ADAM12: variants seen among roughly 807,000 people sequenced by gnomAD.
ADAM12 encodes disintegrin and metalloproteinase domain-containing protein 12.
In ADAM12, 70 loss-of-function variants were observed where a neutral mutation model predicts 106.4. The ratio of observed to expected loss-of-function variants is 0.66; its 90% CI spans 0.54 to 0.80. The LOEUF (loss-of-function observed/expected upper bound fraction) is 0.80. Ranked by LOEUF, ADAM12 falls within the 30% of genes least tolerant of loss-of-function variation. The pLI is 0.00. For synonymous variants in ADAM12, 420 were observed against 433.5 expected (o/e 0.97, Z 0.39); for missense variants, 1,010 against 1,171.9 (o/e 0.86, Z 2.02).
At chr10:126,321,038 A>C (rs1302704243) in intron 2 of ADAM12, among the ~76,000 whole-genome samples, 2 of 152,184 alleles carry the variant, frequency 1.3e-5, no homozygotes, top group East Asian at 3.9e-4. Flanking sequence ...ATTGGGTCCC[A>C]TTCATCCTTG....
At chr10:126,201,061 C>A (rs1201197723) in intron 3 of ADAM12, among the ~76,000 whole-genome samples, 1 of 152,092 alleles carries the variant, frequency 6.6e-6, no homozygotes, top group Non-Finnish European at 1.5e-5. Flanking sequence ...GAGCATCAGG[C>A]TAAAGTAGTC....
chr10:126,218,526 G>A (rs980567613), intron 3 of ADAM12, among the ~76,000 whole-genome samples: 4 of 152,172 alleles, frequency 2.6e-5, no homozygotes, highest in Non-Finnish European at 4.4e-5. Context: ...CTCCCTGCAG[G>A]TGCTTGGGTC....
chr10:126,110,415 C>T (rs967830338), intron 6 of ADAM12, among the ~76,000 whole-genome samples: 8 of 150,986 alleles, frequency 5.3e-5, no homozygotes, highest in Admixed American at 3.3e-4. Context: ...AATGGAAGAC[C>T]GGGGTGGTCT....
intron 11 of ADAM12, among the ~76,000 whole-genome samples, chr10:126,074,976 G>A (rs1407355969): frequency 2.0e-5 from 3 of 152,176 alleles, no homozygotes; most frequent in Non-Finnish European, 4.4e-5. Flanking sequence ...ATGAGCAGGT[G>A]TGAGTGGCTT....
intron 3 of ADAM12, among the ~76,000 whole-genome samples, chr10:126,177,201 A>G (rs760510323): frequency 6.6e-6 from 1 of 152,112 alleles, no homozygotes; most frequent in Non-Finnish European, 1.5e-5. Flanking sequence ...ACTAAGAAAA[A>G]TGGACAATTA....
At chr10:126,379,813 A>G (rs1238496848) in intron 1 of ADAM12, among the ~76,000 whole-genome samples, 1 of 152,172 alleles carries the variant, frequency 6.6e-6, no homozygotes, top group Non-Finnish European at 1.5e-5. Context: ...TATCTCTCAA[A>G]AGCAATGTCT....
intron 5 of ADAM12, among the ~76,000 whole-genome samples, chr10:126,124,292 CTT>C (rs763534062): frequency 7.0e-5 from 10 of 142,104 alleles, no homozygotes; most frequent in Admixed American, 1.4e-4. Context: ...TTAATTTCGG[CTT>C]TTTTTTTTTT....
At chr10:126,148,487 T>C (rs1172727338) in intron 4 of ADAM12, among the ~76,000 whole-genome samples, 8 of 152,180 alleles carry the variant, frequency 5.3e-5, no homozygotes, top group African/African-American at 1.7e-4. Context: ...TGGGTTTTAA[T>C]TAGTGAACAA....
rs1421376218 is a variant in ADAM12, at chr10:126,046,101, C to T, written c.1949G>A (p.Ser650Asn). Reference sequence around the variant, plus strand: ...TGCACACTCGTGAACCCCAAAGACACTAATATTTTGACATTGACGATTCAG... The same window carrying T: ...TGCACACTCGTGAACCCCAAAGACATTAATATTTTGACATTGACGATTCAG... ...ICLNRQCQNI[S>N]VFGVHECAMQ... The change falls in exon 17 of 23, where the codon AGT becomes AAT. Residue 650 changes from serine (S) to asparagine (N), a missense_variant. Ser to Asn is a conservative substitution (Grantham distance 46). Around this residue, in one of 3 missense-constraint regions of ADAM12, gnomAD observed 615 missense variants for 708.5 expected, o/e 0.87. Transcript: ENST00000448723. 1.2e-6 allele frequency: 2 copies of T among 1,614,190 alleles called. No homozygotes were observed. The highest frequency in any genetic ancestry group is 1.7e-6 in the Non-Finnish European group (2 of 1,180,022).
chr10:126,148,557 G>A (rs1956671017), intron 4 of ADAM12, among the ~76,000 whole-genome samples: 1 of 152,172 alleles, frequency 6.6e-6, no homozygotes, highest in Admixed American at 6.5e-5. Context: ...GCATTCAAAG[G>A]AATGGGGGAA....
At chr10:126,296,025 A>G (rs1042972335) in intron 2 of ADAM12, among the ~76,000 whole-genome samples, 1 of 152,172 alleles carries the variant, frequency 6.6e-6, no homozygotes, top group Non-Finnish European at 1.5e-5. Context: ...TCTGGCAGGA[A>G]CAGTCCATGA....
In ADAM12 at chr10:126,243,473, C is replaced by CTGTGTGTGTGTG. The variant is rs1215369145; in HGVS notation, c.260+35441_260+35442insCACACACACACA. On this transcript the variant is annotated intron_variant, in intron 3 of 22. Coordinates refer to ENST00000448723, the MANE Select transcript of ADAM12 (RefSeq NM_001288973.2). ...CTGTGTAGACCAGTGGGGAGCAACT[C>CTGTGTGTGTGTG]TGTGTGTGTGAGTGTATGTGTGTGT... Among the ~76,000 whole-genome samples the CTGTGTGTGTGTG allele has an allele frequency of 2.7e-4, 26 of 97,258 alleles. No homozygotes were observed. In the East Asian group the frequency reaches 3.6e-3, roughly 13 times the overall value. 63.8% of individuals were successfully genotyped at this position (97,258 alleles called of 152,430 possible). A position where few individuals can be genotyped will look rare whatever the true frequency, so the allele number is the denominator to read the frequency against.
chr10:126,071,439 A>G, intron 12 of ADAM12, 38 bp downstream of exon 12: 1 of 1,606,750 alleles, frequency 6.2e-7, no homozygotes, highest in Non-Finnish European at 8.5e-7. Flanking sequence ...CCGAGGATAC[A>G]AGTCTTCTTG....
intron 3 of ADAM12, among the ~76,000 whole-genome samples, chr10:126,253,354 C>G (rs1958823077): frequency 6.6e-6 from 1 of 152,154 alleles, no homozygotes; most frequent in Admixed American, 6.5e-5. Flanking sequence ...TTCATCTGCT[C>G]GCCAATGTGG....
intron 3 of ADAM12, among the ~76,000 whole-genome samples, chr10:126,175,725 C>A (rs573731356): frequency 2.0e-5 from 3 of 152,186 alleles, no homozygotes; most frequent in African/African-American, 7.2e-5. Flanking sequence ...AGAGTCTGCT[C>A]GTTCCATCGG....
intron 1 of ADAM12, among the ~76,000 whole-genome samples, chr10:126,352,063 C>G (rs1267136787): frequency 6.6e-6 from 1 of 152,166 alleles, no homozygotes; most frequent in East Asian, 1.9e-4. Context: ...ACACACCCAG[C>G]TGGCTTGATG....
intron 21 of ADAM12, among the ~76,000 whole-genome samples, chr10:126,024,978 T>C (rs1484056030): frequency 6.6e-6 from 1 of 151,952 alleles, no homozygotes; most frequent in East Asian, 1.9e-4. Context: ...CCCCAGCAAA[T>C]TGCAGCAGCC....
At chr10:126,032,976 C>T (rs1953996103) in intron 21 of ADAM12, among the ~76,000 whole-genome samples, 1 of 151,946 alleles carries the variant, frequency 6.6e-6, no homozygotes, top group Non-Finnish European at 1.5e-5. Context: ...TATTCTTATG[C>T]CAAAAAATCA....
Position 126,091,513 on chromosome 10 carries a change from T to G in ADAM12, c.1145+2472A>C, listed in dbSNP as rs564709949. On this transcript the variant is annotated intron_variant, in intron 11 of 22. Coordinates refer to ENST00000448723, the MANE Select transcript of ADAM12 (RefSeq NM_001288973.2). ...ATAAATGAGAAGCAAATAGAAAAGATTTATACAAAAGCACAAGCTCAGCAA... is the reference window on the plus strand; with the variant it reads ...ATAAATGAGAAGCAAATAGAAAAGAGTTATACAAAAGCACAAGCTCAGCAA... Among the ~76,000 whole-genome samples the G allele has an allele frequency of 2.6e-5, 4 of 152,324 alleles. No homozygotes were observed. The East Asian group carries it at 7.7e-4, about 29-fold the overall frequency.
Sources: allele counts gnomAD v4.1 joint callset (sites outside exome capture counted in the v4.1 genomes callset), GRCh38; gene constraint gnomAD v4.1.1; regional missense constraint gnomAD v4.1.1; transcripts MANE v1.5; gene names NCBI Gene and HGNC (gene_info 2026-07-23, HGNC 2026-07-21).